The following RNF2 variants were observed in gnomAD, a reference collection of about 807,000 sequenced individuals.
RNF2 encodes the protein E3 ubiquitin-protein ligase RING2.
A neutral mutation model predicts 37.2 loss-of-function variants in RNF2; 6 were observed. The observed-to-expected ratio is 0.16, with a 90% CI of 0.09 to 0.32. The LOEUF is 0.32. Among genes scored for constraint, RNF2 ranks in the 10% least tolerant of loss-of-function variants. The pLI is 1.00. For missense variants in RNF2, 251 were observed against 404.0 expected, an observed-to-expected ratio of 0.62 and a Z score of 3.25; for synonymous variants, 133 against 132.7, an observed-to-expected ratio of 1.00 and a Z score of -0.02.
chr1:185,070,919 G>A (rs1650954121), intron 1 of RNF2, among the ~76,000 whole-genome samples: 1 of 152,162 alleles, frequency 6.6e-6, no homozygotes, highest in Non-Finnish European at 1.5e-5. Flanking sequence ...TTACAGGCGT[G>A]AGCCACTGCA....
intron 1 of RNF2, among the ~76,000 whole-genome samples, chr1:185,059,732 G>A (rs1338201273): frequency 2.0e-5 from 3 of 152,082 alleles, no homozygotes; most frequent in Non-Finnish European, 4.4e-5. Context: ...CATTAAGCAC[G>A]TTAATAGCAT....
intron 3 of RNF2, 74 bp downstream of exon 3, chr1:185,091,813 A>ATT: frequency 3.8e-6 from 5 of 1,308,272 alleles, no homozygotes; most frequent in South Asian, 1.6e-5. Flanking sequence ...TGAGAAATAC[A>ATT]TTTTCTTTTT....
intron 1 of RNF2, among the ~76,000 whole-genome samples, chr1:185,081,285 A>C (rs1046457926): frequency 1.3e-5 from 2 of 152,102 alleles, no homozygotes; most frequent in Admixed American, 1.3e-4. Flanking sequence ...CTAGTTGTGG[A>C]AGTGTCTTCC....
intron 1 of RNF2, among the ~76,000 whole-genome samples, chr1:185,069,648 C>A (rs1449923342): frequency 6.6e-6 from 1 of 152,108 alleles, no homozygotes; most frequent in Non-Finnish European, 1.5e-5. Flanking sequence ...AATCATCAGA[C>A]AGCAGTGTGC....
At chr1:185,061,281 C>A (rs997030345) in intron 1 of RNF2, among the ~76,000 whole-genome samples, 1 of 151,908 alleles carries the variant, frequency 6.6e-6, no homozygotes, top group South Asian at 2.1e-4. Flanking sequence ...GCGCCCGCCA[C>A]CATGCCCGGC....
intron 1 of RNF2, among the ~76,000 whole-genome samples, chr1:185,070,921 G>A (rs1172839778): frequency 6.6e-6 from 1 of 152,184 alleles, no homozygotes; most frequent in Non-Finnish European, 1.5e-5. Context: ...ACAGGCGTGA[G>A]CCACTGCACC....
intron 1 of RNF2, among the ~76,000 whole-genome samples, chr1:185,057,364 TTTG>T (rs1455920427): frequency 6.6e-6 from 1 of 152,178 alleles, no homozygotes; most frequent in Admixed American, 6.5e-5. Context: ...CCATAGCTAG[TTTG>T]TTAACATTTT....
intron 1 of RNF2, among the ~76,000 whole-genome samples, chr1:185,076,347 G>A (rs1420853946): frequency 8.1e-6 from 1 of 124,050 alleles, no homozygotes; most frequent in African/African-American, 3.0e-5. Context: ...CTGGAGTGCA[G>A]TGGCGCGATC....
chr1:185,101,701 A>G lies in RNF2; in HGVS notation c.*1400A>G, dbSNP rs1180318025. On this transcript the variant is annotated 3_prime_UTR_variant, in exon 7 of 7. Coordinates refer to ENST00000367510, the MANE Select transcript of RNF2 (RefSeq NM_007212.4). ...TAAAGTCTGTCTAGTCATTGTAAATATTTATCTGTCAGTTTTGACAGATTG... is the reference window on the plus strand; with the variant it reads ...TAAAGTCTGTCTAGTCATTGTAAATGTTTATCTGTCAGTTTTGACAGATTG... 3 of 152,108 alleles carry G rather than the reference A, an allele frequency of 2.0e-5. No homozygotes were observed. The highest frequency in any genetic ancestry group is 2.9e-5 in the Non-Finnish European group (2 of 67,968). The allele number at this position is 152,108 out of a possible 1,614,324, so 9.4% of individuals were successfully genotyped here. A position where few individuals can be genotyped will look rare whatever the true frequency, so the allele number is the denominator to read the frequency against.
At chr1:185,075,954 G>A (rs1224316535) in intron 1 of RNF2, among the ~76,000 whole-genome samples, 3 of 152,116 alleles carry the variant, frequency 2.0e-5, no homozygotes, top group African/African-American at 4.8e-5. Context: ...GATTATTAGT[G>A]AAGTTTAGCA....
chr1:185,098,271 G>A lies in RNF2; in HGVS notation c.664G>A (p.Gly222Ser), dbSNP rs1169300427. 9 of 1,614,048 alleles carry A rather than the reference G, an allele frequency of 5.6e-6. No individual in the cohort carries two copies. The highest frequency in any genetic ancestry group is 7.6e-6 in the Non-Finnish European group (9 of 1,179,924). Reference protein sequence around the residue: ...AAMAIDPVMDGASEIELVFRP... With the variant: ...AAMAIDPVMDSASEIELVFRP... ...AATGGCAATTGATCCAGTAATGGAT[G>A]GTGCTAGTGAAATTGAATTAGTATT... Residue 222 changes from glycine (G) to serine (S), a missense_variant, in exon 5 of 7, where the codon GGT (glycine) becomes AGT (serine). By Grantham distance (56) the Gly-to-Ser change is moderately conservative (BLOSUM62 0). This residue lies in a region of RNF2 where 94 missense variants were observed against 99.2 expected (regional missense o/e 0.95). Transcript: ENST00000367510.
chr1:185,093,400 T>A (rs1651824580), intron 4 of RNF2, 124 bp downstream of exon 4: 11 of 811,694 alleles, frequency 1.4e-5, no homozygotes. Context: ...TTACCTTTCG[T>A]GCAGGTATAA....
chr1:185,076,282 T>G (rs1336094298), intron 1 of RNF2, among the ~76,000 whole-genome samples: 58 of 48,952 alleles, frequency 1.2e-3, no homozygotes, highest in African/African-American at 4.9e-3. Context: ...TTTTTTTTTT[T>G]TTTTTTTTTT....
chr1:185,098,920 T>A (rs1252439045), intron 5 of RNF2, among the ~76,000 whole-genome samples: 2 of 147,150 alleles, frequency 1.4e-5, no homozygotes, highest in Non-Finnish European at 3.0e-5. Flanking sequence ...CCCAGCTAAT[T>A]TTTGTATTTT....
chr1:185,071,598 T>G (rs1650975892), intron 1 of RNF2: 1 of 153,574 alleles, frequency 6.5e-6, no homozygotes, highest in Non-Finnish European at 1.5e-5. Context: ...TGTTAAAGAG[T>G]TACTCTGCCA....
chr1:185,082,345 C>CTTTT (rs3036553), intron 1 of RNF2, among the ~76,000 whole-genome samples: 969 of 71,928 alleles, frequency 0.013, 120 homozygotes, highest in African/African-American at 0.028. Context: ...CTCTGCAGAA[C>CTTTT]TTTTTTTTTT....
intron 1 of RNF2, among the ~76,000 whole-genome samples, chr1:185,075,855 A>G (rs1207899581): frequency 6.6e-6 from 1 of 152,236 alleles, no homozygotes; most frequent in South Asian, 2.1e-4. Context: ...AACCATATCA[A>G]CTAAATATTA....
intron 1 of RNF2, among the ~76,000 whole-genome samples, chr1:185,058,794 G>A (rs1345745648): frequency 6.6e-6 from 1 of 152,148 alleles, no homozygotes; most frequent in Non-Finnish European, 1.5e-5. Context: ...ATTGTTTGGA[G>A]CTCTTTGCAA....
In RNF2 at chr1:185,079,367, A is replaced by T. The variant is rs564522223; in HGVS notation, c.-2-8185A>T. The stretch of plus-strand genomic sequence containing the variant: ...AGAACAAACCAGAATGGAGTCACTT[A>T]TCCTAAGTGCCACATAATCAAACTT... On this transcript the variant is annotated intron_variant, in intron 1 of 6. Transcript: ENST00000367510. Among the ~76,000 whole-genome samples, 5 of 152,284 alleles carry T rather than the reference A, an allele frequency of 3.3e-5. No individual in the cohort carries two copies. The South Asian group carries it at 8.3e-4, about 25-fold the overall frequency.
Sources: allele counts gnomAD v4.1 joint callset (sites outside exome capture counted in the v4.1 genomes callset), GRCh38; gene constraint gnomAD v4.1.1; regional missense constraint gnomAD v4.1.1; transcripts MANE v1.5; gene names NCBI Gene and HGNC (gene_info 2026-07-23, HGNC 2026-07-21).